TRAF3: variants seen among roughly 807,000 people sequenced by gnomAD.
The protein encoded by TRAF3 is TNF receptor associated factor 3.
A neutral mutation model predicts 62.3 loss-of-function variants in TRAF3; 13 were observed. The observed-to-expected ratio is 0.21, with a 90% CI of 0.14 to 0.33. TRAF3 has a LOEUF of 0.33. Ranked by LOEUF, TRAF3 falls within the 10% of genes least tolerant of loss-of-function variation. TRAF3 has a pLI of 1.00. For synonymous variants in TRAF3, 269 were observed against 283.4 expected (o/e 0.95, Z 0.51); for missense variants, 440 against 741.8 (o/e 0.59, Z 4.73).
intron 1 of TRAF3, among the ~76,000 whole-genome samples, chr14:102,814,443 A>AT (rs1899390703): frequency 6.6e-6 from 1 of 152,122 alleles, no homozygotes; most frequent in Non-Finnish European, 1.5e-5. Context: ...TTTCATACAA[A>AT]TTTTAGGATA....
intron 1 of TRAF3, among the ~76,000 whole-genome samples, chr14:102,799,377 A>C (rs931813165): frequency 6.6e-6 from 1 of 152,234 alleles, no homozygotes; most frequent in East Asian, 1.9e-4. Context: ...TGCAGATTCC[A>C]TTCAGTTCAT....
At chr14:102,888,639 CAA>C (rs748397144) in intron 7 of TRAF3, among the ~76,000 whole-genome samples, 7 of 152,146 alleles carry the variant, frequency 4.6e-5, no homozygotes, top group Non-Finnish European at 1.0e-4. Flanking sequence ...CCCATCCTCC[CAA>C]AAAGAGTCTG....
chr14:102,895,613 A>G (rs796933416), intron 9 of TRAF3, among the ~76,000 whole-genome samples: 34 of 152,252 alleles, frequency 2.2e-4, no homozygotes, highest in African/African-American at 8.2e-4. Flanking sequence ...TGGGGTGGAG[A>G]CCACCACCCC....
intron 1 of TRAF3, among the ~76,000 whole-genome samples, chr14:102,805,510 G>C (rs992092906): frequency 6.6e-6 from 1 of 152,280 alleles, no homozygotes; most frequent in Admixed American, 6.5e-5. Context: ...CTCACCGCTG[G>C]ACTCCAAGCC....
chr14:102,872,533 C>T (rs1888399033), intron 4 of TRAF3, among the ~76,000 whole-genome samples: 1 of 152,210 alleles, frequency 6.6e-6, no homozygotes, highest in African/African-American at 2.4e-5. Context: ...CGTCTCTGCA[C>T]ATTCAGAGGA....
At chr14:102,901,009 T>C (rs542483426) in intron 10 of TRAF3, among the ~76,000 whole-genome samples, 27 of 152,380 alleles carry the variant, frequency 1.8e-4, no homozygotes, top group African/African-American at 6.0e-4. Flanking sequence ...TGACTCTGCG[T>C]TCTGCTTTGA....
intron 5 of TRAF3, among the ~76,000 whole-genome samples, chr14:102,875,942 A>T (rs984192230): frequency 2.0e-5 from 3 of 151,400 alleles, no homozygotes; most frequent in Admixed American, 6.6e-5. Flanking sequence ...GTTTTTAAAC[A>T]CTCCCCCCCC....
At chr14:102,902,261 G>T (rs1281625894) in intron 10 of TRAF3, among the ~76,000 whole-genome samples, 2 of 152,194 alleles carry the variant, frequency 1.3e-5, no homozygotes, top group Non-Finnish European at 2.9e-5. Flanking sequence ...GTGTGGAGCT[G>T]GAGGGGGAAG....
At chr14:102,893,211 C>T (rs1003857150) in intron 9 of TRAF3, among the ~76,000 whole-genome samples, 4 of 151,000 alleles carry the variant, frequency 2.6e-5, no homozygotes, top group South Asian at 2.1e-4. Flanking sequence ...GGTGAAACCC[C>T]GTCTCTACCA....
chr14:102,844,876 T>TAA (rs536467868), intron 2 of TRAF3, among the ~76,000 whole-genome samples: 5 of 137,554 alleles, frequency 3.6e-5, no homozygotes, highest in Admixed American at 1.4e-4. Context: ...CTCCCACCTC[T>TAA]AAAAAAAAAA....
intron 1 of TRAF3, among the ~76,000 whole-genome samples, chr14:102,780,478 CCTAGGG>C (rs1297195466): frequency 6.6e-6 from 1 of 151,752 alleles, no homozygotes; most frequent in Non-Finnish European, 1.5e-5. Context: ...GACAGACCAC[CCTAGGG>C]AGAAGGCAGA....
At chr14:102,802,261 TCTC>T (rs1665355688) in intron 1 of TRAF3, among the ~76,000 whole-genome samples, 1 of 144,744 alleles carries the variant, frequency 6.9e-6, no homozygotes, top group African/African-American at 2.5e-5. Flanking sequence ...TTCACGCCAT[TCTC>T]CTGCCTCAGC....
chr14:102,814,852 A>T (rs994801677), intron 1 of TRAF3, among the ~76,000 whole-genome samples: 3 of 152,134 alleles, frequency 2.0e-5, no homozygotes, highest in Non-Finnish European at 2.9e-5. Context: ...GTGTTCTTTG[A>T]TGTACAAAAG....
At chr14:102,904,914 C>G (rs1890509316) in intron 11 of TRAF3, among the ~76,000 whole-genome samples, 2 of 151,786 alleles carry the variant, frequency 1.3e-5, no homozygotes, top group African/African-American at 4.8e-5. Flanking sequence ...AAGTTCGAGA[C>G]CAGCCTGGCC....
Position 102,875,641 on chromosome 14 carries a change from C to T in TRAF3, c.315C>T (p.Cys105=), listed in dbSNP as rs1202527418. The T allele has an allele frequency of 9.3e-6, 15 of 1,613,206 alleles. No individual in the cohort carries two copies. The highest frequency in any genetic ancestry group is 1.1e-5 in the Non-Finnish European group (13 of 1,179,648). ...IVKDKVFKDN[C]CKREILALQI... is the part of the protein sequence containing the mutation. ...ATTTTCAGGTGTTTAAGGATAATTG[C>T]TGCAAGAGAGAAATTCTGGCTCTTC... The change falls in exon 5 of 12, where the codon TGC becomes TGT. Residue 105 remains cysteine (C), a synonymous_variant. Coordinates refer to ENST00000392745, the MANE Select transcript of TRAF3 (RefSeq NM_145725.3).
At chr14:102,869,408 G>A (rs1888197361) in intron 2 of TRAF3, among the ~76,000 whole-genome samples, 1 of 152,228 alleles carries the variant, frequency 6.6e-6, no homozygotes, top group Admixed American at 6.5e-5. Context: ...GAGAACAGCT[G>A]TTGTTTCAGT....
chr14:102,870,093 CAGCAGGTCTCAGGCACTTTTGCTTTCCCA>C (rs1888245523), intron 2 of TRAF3, 63 bp from the exon 3 acceptor site: 1 of 1,519,348 alleles, frequency 6.6e-7, no homozygotes, highest in Non-Finnish European at 9.1e-7. Flanking sequence ...AACTGAAAGA[CAGCAGGTCTCAGGCACTTTTGCTTTCCCA>C]AAGCTGTGTT....
rs1352431628 is a variant in TRAF3, at chr14:102,906,598, G to A, written c.*814G>A. On this transcript the variant is annotated 3_prime_UTR_variant, in exon 12 of 12. Transcript: ENST00000392745. The stretch of plus-strand genomic sequence containing the variant: ...ATGACACGACTTCACAATTCTGAAC[G>A]GAGCCTCGCTCATGGATGCTGTGCA... 2 of 152,182 alleles carry A rather than the reference G, an allele frequency of 1.3e-5. No individual in the cohort carries two copies. The highest frequency in any genetic ancestry group is 2.9e-5 in the Non-Finnish European group (2 of 68,028). 9.4% of individuals were successfully genotyped at this position (152,182 alleles called of 1,614,324 possible). A position where few individuals can be genotyped will look rare whatever the true frequency, so the allele number is the denominator to read the frequency against.
chr14:102,893,436 C>T (rs1889835404), intron 9 of TRAF3, among the ~76,000 whole-genome samples: 1 of 150,712 alleles, frequency 6.6e-6, no homozygotes, highest in East Asian at 1.9e-4. Context: ...GTGTTAGATA[C>T]ACAGTAGTTG....
Sources: allele counts gnomAD v4.1 joint callset (sites outside exome capture counted in the v4.1 genomes callset), GRCh38; gene constraint gnomAD v4.1.1; transcripts MANE v1.5; gene names NCBI Gene and HGNC (gene_info 2026-07-23, HGNC 2026-07-21).